The following DNALI1 variants were observed in gnomAD, a reference collection of about 807,000 sequenced individuals.
DNALI1 encodes the protein dynein axonemal light intermediate chain 1.
A neutral mutation model predicts 33.9 loss-of-function variants in DNALI1; 31 were observed. That is an observed-to-expected ratio of 0.91 (90% CI 0.69 to 1.23). The LOEUF (loss-of-function observed/expected upper bound fraction) is 1.23. Ranked by LOEUF, DNALI1 falls within the 50% of genes most tolerant of loss-of-function variation. DNALI1 has a pLI of 0.00. For synonymous variants in DNALI1, 117 were observed against 129.2 expected (o/e 0.91, Z 0.64); for missense variants, 305 against 323.8 (o/e 0.94, Z 0.44).
Position 37,559,780 on chromosome 1 carries a change from G to T in DNALI1, c.397+284G>T, listed in dbSNP as rs1001368891. Among the ~76,000 whole-genome samples the T allele has an allele frequency of 2.0e-5, 3 of 152,280 alleles. No individual in the cohort carries two copies. Among genetic ancestry groups the T allele is most frequent in the Admixed American group, 2.0e-4 (3 of 15,300 alleles). On this transcript the variant is annotated intron_variant, in intron 3 of 5. Transcript: ENST00000652629. This position sits in a 1 kb window ranked among gnomAD's most constrained non-coding sequence, Gnocchi z 5.3. ...ACAAAGTATAGAGAAAGAAAGGTGG[G>T]CCCAGGGGACCGGCACTCAGCATAC...
intron 3 of DNALI1, chr1:37,560,496 A>G (rs1643425288): frequency 6.6e-6 from 1 of 152,232 alleles, no homozygotes; most frequent in South Asian, 2.1e-4. Flanking sequence ...TTAAACCTTG[A>G]TTCCATACAT....
chr1:37,566,829 ATAATT>A lies in DNALI1; in HGVS notation c.*1773_*1777del, dbSNP rs768881089. Reference sequence around the variant, plus strand: ...ACAATTTCTAACTGCCTGTTTTTGTATAATTTAATAAAAACCTTTTAAACATTACT... The same window carrying A: ...ACAATTTCTAACTGCCTGTTTTTGTATAATAAAAACCTTTTAAACATTACT... On this transcript the variant is annotated 3_prime_UTR_variant, in exon 6 of 6. Transcript: ENST00000652629. The A allele has an allele frequency of 4.5e-5, 72 of 1,603,308 alleles. No individual in the cohort carries two copies. The East Asian group carries it at 6.7e-4, about 15-fold the overall frequency.
intron 3 of DNALI1, among the ~76,000 whole-genome samples, chr1:37,560,199 G>A (rs761668176): frequency 2.6e-5 from 4 of 152,142 alleles, no homozygotes; most frequent in Non-Finnish European, 5.9e-5. Flanking sequence ...TTATCTCAAC[G>A]GCAAGGGGCC....
chr1:37,561,622 G>C lies in DNALI1; in HGVS notation c.463G>C (p.Asp155His). The change falls in exon 4 of 6, where the codon GAC (aspartate) becomes CAC (histidine). Residue 155 changes from aspartate to histidine, a missense_variant. Asp to His is a moderately conservative substitution (Grantham distance 81). Transcript: ENST00000652629. This position sits in a 1 kb window ranked among gnomAD's most constrained non-coding sequence, Gnocchi z 4.6. The stretch of plus-strand genomic sequence containing the variant: ...GGGGCTGCTGCTGCTGCGAGTCCGG[G>C]ACGAGATCCGCATGACCATCGCTGC... Reference protein sequence around the residue: ...ERGLLLLRVRDEIRMTIAAYQ... With the variant: ...ERGLLLLRVRHEIRMTIAAYQ... The C allele has an allele frequency of 6.2e-7, 1 of 1,613,860 alleles. No individual in the cohort carries two copies. Among genetic ancestry groups the C allele is most frequent in the Non-Finnish European group, 8.5e-7 (1 of 1,179,888 alleles).
In DNALI1 at chr1:37,561,596, G is replaced by C. The variant is rs1203455907; in HGVS notation, c.437G>C (p.Arg146Thr). Reference sequence around the variant, plus strand: ...GAGGTCACCATCAACTGTGCGGAGAGGGGGCTGCTGCTGCTGCGAGTCCGG... The same window carrying C: ...GAGGTCACCATCAACTGTGCGGAGACGGGGCTGCTGCTGCTGCGAGTCCGG... The part of the protein sequence containing the change: ...IREVTINCAE[R>T]GLLLLRVRDE... Residue 146 changes from arginine to threonine, a missense_variant, in exon 4 of 6, where the codon AGG becomes ACG. Transcript: ENST00000652629. The surrounding 1 kb of genome is among the most constrained non-coding windows in gnomAD (Gnocchi z 4.6). 1.2e-6 allele frequency: 2 copies of C among 1,613,902 alleles called. No homozygotes were observed. The highest frequency in any genetic ancestry group is 1.7e-5 in the Admixed American group (1 of 59,988).
chr1:37,564,985 G>C, intron 5 of DNALI1, 41 bp from the exon 6 acceptor site: 1 of 1,609,134 alleles, frequency 6.2e-7, no homozygotes, highest in Non-Finnish European at 8.5e-7. Flanking sequence ...GTATCAGGCT[G>C]CAAGTTTCAA....
chr1:37,558,857 G>A lies in DNALI1; in HGVS notation c.228-470G>A, dbSNP rs541031492. On this transcript the variant is annotated intron_variant, in intron 2 of 5. Transcript: ENST00000652629. ...ATAAGTTGACAGCACAGTTGGTAAG[G>A]CTATGAGGAAAAGGGAAATGGGGGC... Among the ~76,000 whole-genome samples, 153 of 152,316 alleles carry A rather than the reference G, an allele frequency of 1.0e-3. 1 individual carries two copies. Among genetic ancestry groups the A allele is most frequent in the Non-Finnish European group, 1.6e-3 (109 of 68,024 alleles).
At position 37,562,146 on chromosome 1, in the gene DNALI1, T is replaced by A; in HGVS notation, c.642T>A (p.Cys214Ter). The change falls in exon 5 of 6, where the codon TGT becomes TGA. Residue 214 changes from cysteine to a stop codon, truncating the protein, a stop_gained. Coordinates refer to ENST00000652629, the MANE Select transcript of DNALI1 (RefSeq NM_003462.5). LOFTEE classifies it high-confidence loss of function. This position sits in a 1 kb window ranked among gnomAD's most constrained non-coding sequence, Gnocchi z 5.8. ...ERQVNEQKAKCEATEKRESER... is the reference protein window; with the variant it reads ...ERQVNEQKAK ...AAGTGAACGAGCAGAAGGCAAAATG[T>A]GAAGCCACTGAGAAGCGGGAGAGCG... 3 of 1,613,960 alleles carry A rather than the reference T, an allele frequency of 1.9e-6. No individual in the cohort carries two copies. Among genetic ancestry groups the A allele is most frequent in the Non-Finnish European group, 2.5e-6 (3 of 1,179,986 alleles).
chr1:37,557,091 C>G lies in DNALI1; in HGVS notation c.81+16C>G. ...GAGCCCCAAGGTAAAGACGGGGGCT[C>G]GGGAGACAAAGGAGCCTCGAAACTC... On this transcript the variant is annotated intron_variant, in intron 1 of 5. Coordinates refer to ENST00000652629, the MANE Select transcript of DNALI1 (RefSeq NM_003462.5). 2 of 1,614,004 alleles carry G rather than the reference C, an allele frequency of 1.2e-6. No individual in the cohort carries two copies. The highest frequency in any genetic ancestry group is 1.7e-6 in the Non-Finnish European group (2 of 1,179,954).
chr1:37,561,754 G>T lies in DNALI1; in HGVS notation c.576+19G>T. 2 of 1,609,786 alleles carry T rather than the reference G, an allele frequency of 1.2e-6. No homozygotes were observed. The highest frequency in any genetic ancestry group is 2.2e-5 in the South Asian group (2 of 90,556). On this transcript the variant is annotated intron_variant, in intron 4 of 5. Transcript: ENST00000652629. This position sits in a 1 kb window ranked among gnomAD's most constrained non-coding sequence, Gnocchi z 4.6. ...GAGGAAAGTGAGTGGGGTTTACCGT[G>T]ACCCTTGGTCCCATCTCTTCTGTAA...
rs1297828421 is a variant in DNALI1, at chr1:37,559,122, C to T, written c.228-205C>T. 1.3e-5 allele frequency among the ~76,000 whole-genome samples: 2 copies of T among 152,214 alleles called. No homozygotes were observed. Among genetic ancestry groups the T allele is most frequent in the Non-Finnish European group, 2.9e-5 (2 of 68,028 alleles). On this transcript the variant is annotated intron_variant, in intron 2 of 5. Coordinates refer to ENST00000652629, the MANE Select transcript of DNALI1 (RefSeq NM_003462.5). The surrounding 1 kb of genome is among the most constrained non-coding windows in gnomAD (Gnocchi z 5.3). ...TGCCAAGGTGGAAATTGTCTACCAC[C>T]TACCCATTCCCAAGATCCCTGTGGA...
rs913307005 is a variant in DNALI1, at chr1:37,565,854, C to T, written c.*793C>T. 11 of 152,298 alleles carry T rather than the reference C, an allele frequency of 7.2e-5. No individual in the cohort carries two copies. The highest frequency in any genetic ancestry group is 2.4e-4 in the African/African-American group (10 of 41,560). 9.4% of individuals were successfully genotyped at this position (152,298 alleles called of 1,614,324 possible). A position where few individuals can be genotyped will look rare whatever the true frequency, so the allele number is the denominator to read the frequency against. Reference sequence around the variant, plus strand: ...AGGTAACTAAATCTCACATGCAGGTCTAATGACTAATAATTGGAGTACGGC... The same window carrying T: ...AGGTAACTAAATCTCACATGCAGGTTTAATGACTAATAATTGGAGTACGGC... On this transcript the variant is annotated 3_prime_UTR_variant, in exon 6 of 6. Transcript: ENST00000652629.
intron 3 of DNALI1, among the ~76,000 whole-genome samples, chr1:37,560,072 CAT>C (rs1643418776): frequency 6.6e-6 from 1 of 152,224 alleles, no homozygotes; most frequent in African/African-American, 2.4e-5. Context: ...TTGCTGCCAA[CAT>C]GTCTCGCCTC....
chr1:37,565,304 C>T lies in DNALI1; in HGVS notation c.*243C>T, dbSNP rs1643487133. 1.8e-6 allele frequency: 1 copy of T among 553,606 alleles called. No individual in the cohort carries two copies. The highest frequency in any genetic ancestry group is 2.2e-5 in the South Asian group (1 of 46,080). 34.3% of individuals were successfully genotyped at this position (553,606 alleles called of 1,614,324 possible). ...GCTGGGCAATGGAAGATGGTGTGGC[C>T]CTGTTAGTCTCCGTGTGTGGCTTAC... On this transcript the variant is annotated 3_prime_UTR_variant, in exon 6 of 6. Transcript: ENST00000652629.
chr1:37,561,517 C>T lies in DNALI1; in HGVS notation c.398-40C>T, dbSNP rs746620956. The T allele has an allele frequency of 2.1e-5, 33 of 1,601,410 alleles. No individual in the cohort carries two copies. The South Asian group carries it at 3.5e-4, about 17-fold the overall frequency. On this transcript the variant is annotated intron_variant, in intron 3 of 5. Transcript: ENST00000652629. This position sits in a 1 kb window ranked among gnomAD's most constrained non-coding sequence, Gnocchi z 4.6. Reference sequence around the variant, plus strand: ...AGTAGACATACTGCAAGCCCCCTCCCCACGCCCTGTCTGATCTCATGGTGT... The same window carrying T: ...AGTAGACATACTGCAAGCCCCCTCCTCACGCCCTGTCTGATCTCATGGTGT...
chr1:37,566,732 A>G lies in DNALI1; in HGVS notation c.*1671A>G. ...GGCTTTATTTCCCTAGCACTGGTGAAGGGCTTCAACTGTCAAACCTCAGAA... is the reference window on the plus strand; with the variant it reads ...GGCTTTATTTCCCTAGCACTGGTGAGGGGCTTCAACTGTCAAACCTCAGAA... On this transcript the variant is annotated 3_prime_UTR_variant, in exon 6 of 6. Transcript: ENST00000652629. 1.2e-6 allele frequency: 1 copy of G among 856,042 alleles called. No homozygotes were observed. Among genetic ancestry groups the G allele is most frequent in the Non-Finnish European group, 1.9e-6 (1 of 538,846 alleles). 53.0% of individuals were successfully genotyped at this position (856,042 alleles called of 1,614,324 possible). A position where few individuals can be genotyped will look rare whatever the true frequency, so the allele number is the denominator to read the frequency against.
Position 37,556,992 on chromosome 1 carries a change from G to T in DNALI1, c.-3G>T, listed in dbSNP as rs1476651022. ...CTGCTGGGTTGCTACTCTCGCCTCC[G>T]CCATGATTCCGCCCGCAGACTCTTT... On this transcript the variant is annotated 5_prime_UTR_variant, in exon 1 of 6. Coordinates refer to ENST00000652629, the MANE Select transcript of DNALI1 (RefSeq NM_003462.5). The T allele has an allele frequency of 6.2e-7, 1 of 1,614,074 alleles. No homozygotes were observed. Among genetic ancestry groups the T allele is most frequent in the Admixed American group, 1.7e-5 (1 of 60,004 alleles).
chr1:37,557,682 C>T lies in DNALI1; in HGVS notation c.161C>T (p.Ser54Leu). 1 of 1,614,116 alleles carries T rather than the reference C, an allele frequency of 6.2e-7. No individual in the cohort carries two copies. Among genetic ancestry groups the T allele is most frequent in the East Asian group, 2.2e-5 (1 of 44,890 alleles). ...CAGCCACCCAAGACCAAGCTCCCCT[C>T]AACTCCCTGTGTCCCAGATCCTACA... ...APQPPKTKLP[S>L]TPCVPDPTKQ... is the part of the protein sequence containing the mutation. The change falls in exon 2 of 6, where the codon TCA (serine) becomes TTA (leucine). Residue 54 changes from serine (S) to leucine (L), a missense_variant. By Grantham distance (145) the Ser-to-Leu change is moderately radical. Coordinates refer to ENST00000652629, the MANE Select transcript of DNALI1 (RefSeq NM_003462.5).
chr1:37,564,936 ATTC>A (rs1643482534), intron 5 of DNALI1, 87 bp from the exon 6 acceptor site: 3 of 1,360,250 alleles, frequency 2.2e-6, no homozygotes, highest in South Asian at 2.3e-5. Flanking sequence ...CAGCATGTGG[ATTC>A]TTCTTCCCAG....
Sources: allele counts gnomAD v4.1 joint callset (sites outside exome capture counted in the v4.1 genomes callset), GRCh38; gene constraint gnomAD v4.1.1; non-coding constraint Gnocchi (gnomAD v3.1); transcripts MANE v1.5; gene names NCBI Gene and HGNC (gene_info 2026-07-23, HGNC 2026-07-21).